ZNF236: variants seen among roughly 807,000 people sequenced by gnomAD.
ZNF236 encodes the protein regulated by glucose.
In ZNF236, 50 loss-of-function variants were observed where a neutral mutation model predicts 191.2. The observed-to-expected ratio is 0.26, with a 90% CI of 0.21 to 0.33. The LOEUF (loss-of-function observed/expected upper bound fraction) is 0.33. Ranked by LOEUF, ZNF236 falls within the 10% of genes least tolerant of loss-of-function variation. ZNF236 has a pLI of 1.00. For synonymous variants in ZNF236, 907 were observed against 928.8 expected, an observed-to-expected ratio of 0.98 and a Z score of 0.43; for missense variants, 1,754 against 2,374.5, an observed-to-expected ratio of 0.74 and a Z score of 5.43.
chr18:76,823,999 C>T (rs1264440852), intron 1 of ZNF236, among the ~76,000 whole-genome samples: 3 of 152,190 alleles, frequency 2.0e-5, no homozygotes, highest in Non-Finnish European at 4.4e-5. Flanking sequence ...GCGCCTAGGA[C>T]TCCCTATGGG....
chr18:76,829,243 A>C (rs778178573), intron 1 of ZNF236, among the ~76,000 whole-genome samples: 1 of 152,058 alleles, frequency 6.6e-6, no homozygotes, highest in Admixed American at 6.6e-5. Context: ...TTGTCATAGA[A>C]CTTTTCTTCA....
intron 26 of ZNF236, among the ~76,000 whole-genome samples, chr18:76,939,734 T>C (rs1419131341): frequency 6.6e-6 from 1 of 152,216 alleles, no homozygotes; most frequent in Non-Finnish European, 1.5e-5. Flanking sequence ...GGGTGTAATG[T>C]GCATTGGGCT....
chr18:76,873,587 C>CCAAT (rs1976636170), intron 5 of ZNF236, among the ~76,000 whole-genome samples: 1 of 152,148 alleles, frequency 6.6e-6, no homozygotes, highest in Admixed American at 6.5e-5. Context: ...GCTTGGTCTT[C>CCAAT]CAATAGCTGT....
chr18:76,941,484 C>T (rs977920002), intron 26 of ZNF236, among the ~76,000 whole-genome samples: 8 of 152,192 alleles, frequency 5.3e-5, no homozygotes, highest in African/African-American at 7.2e-5. Flanking sequence ...TCGTTTGCCA[C>T]GCCCTCTCCC....
At chr18:76,866,442 G>C (rs1976407253) in intron 3 of ZNF236, among the ~76,000 whole-genome samples, 1 of 152,220 alleles carries the variant, frequency 6.6e-6, no homozygotes, top group South Asian at 2.1e-4. Context: ...TCCTGGAGGG[G>C]ATTCGGAGAA....
intron 1 of ZNF236, among the ~76,000 whole-genome samples, chr18:76,843,513 C>T (rs978884638): frequency 6.6e-6 from 1 of 151,974 alleles, no homozygotes; most frequent in Admixed American, 6.5e-5. Context: ...CACAGTGGCT[C>T]ACGCCTGTAA....
At chr18:76,843,895 A>C (rs1183034611) in intron 1 of ZNF236, among the ~76,000 whole-genome samples, 1 of 151,308 alleles carries the variant, frequency 6.6e-6, no homozygotes, top group African/African-American at 2.4e-5. Flanking sequence ...AGTAAAGAAG[A>C]GGCTGGGTGC....
intron 20 of ZNF236, among the ~76,000 whole-genome samples, chr18:76,920,412 G>A (rs1352191304): frequency 6.6e-6 from 1 of 151,964 alleles, no homozygotes; most frequent in Non-Finnish European, 1.5e-5. Context: ...TTAGGTGGGT[G>A]TAGTGGTGGG....
intron 22 of ZNF236, among the ~76,000 whole-genome samples, chr18:76,926,368 A>G (rs1967677522): frequency 1.3e-5 from 2 of 152,064 alleles, no homozygotes; most frequent in African/African-American, 4.8e-5. Context: ...TGCGTATGGC[A>G]TAAAGGAGTA....
chr18:76,922,350 A>G (rs756853656), intron 20 of ZNF236, among the ~76,000 whole-genome samples: 6 of 152,204 alleles, frequency 3.9e-5, no homozygotes, highest in Non-Finnish European at 8.8e-5. Context: ...TTACAGCTGC[A>G]GCCAACAGGA....
At chr18:76,933,871 A>G (rs1015686229) in intron 25 of ZNF236, among the ~76,000 whole-genome samples, 1 of 152,220 alleles carries the variant, frequency 6.6e-6, no homozygotes, top group African/African-American at 2.4e-5. Context: ...ACTGTATAGT[A>G]GTAGTTAGGA....
intron 28 of ZNF236, among the ~76,000 whole-genome samples, chr18:76,957,175 T>G: frequency 6.6e-6 from 1 of 152,120 alleles, no homozygotes. Flanking sequence ...TTTTTGGCCT[T>G]TGTGTGTCTG....
At chr18:76,874,047 C>T (rs1157523422) in intron 5 of ZNF236, among the ~76,000 whole-genome samples, 5 of 150,454 alleles carry the variant, frequency 3.3e-5, no homozygotes, top group African/African-American at 7.3e-5. Context: ...CCTGTCCCCA[C>T]GCAGGCAGTC....
intron 25 of ZNF236, among the ~76,000 whole-genome samples, chr18:76,933,780 C>G (rs1294702289): frequency 6.6e-6 from 1 of 152,174 alleles, no homozygotes; most frequent in African/African-American, 2.4e-5. Context: ...TTGACCCACT[C>G]AATCCTTGAT....
intron 18 of ZNF236, among the ~76,000 whole-genome samples, chr18:76,915,121 T>C (rs1967322519): frequency 6.6e-6 from 1 of 152,180 alleles, no homozygotes; most frequent in African/African-American, 2.4e-5. Flanking sequence ...GGAAAATAGC[T>C]AGTTACTTGG....
At chr18:76,823,672 C>G (rs1234925206) in intron 1 of ZNF236, among the ~76,000 whole-genome samples, 1 of 152,244 alleles carries the variant, frequency 6.6e-6, no homozygotes, top group East Asian at 1.9e-4. Context: ...CAGGCAGACA[C>G]ACAACCGGGC....
chr18:76,953,166 C>G (rs1312923268), intron 27 of ZNF236, among the ~76,000 whole-genome samples: 1 of 152,240 alleles, frequency 6.6e-6, no homozygotes, highest in East Asian at 1.9e-4. Flanking sequence ...CTCAGCCTGT[C>G]TTTACTAAAA....
chr18:76,905,719 G>A (rs1258009892), intron 13 of ZNF236, among the ~76,000 whole-genome samples: 2 of 152,186 alleles, frequency 1.3e-5, no homozygotes, highest in Non-Finnish European at 2.9e-5. Context: ...ATGCTGGACT[G>A]TGTCTAGTAC....
intron 10 of ZNF236, chr18:76,897,943 C>T (rs1599375349): frequency 6.6e-6 from 1 of 152,170 alleles, no homozygotes; most frequent in African/African-American, 2.4e-5. Context: ...CAGATGCAAC[C>T]TTGATCTCCA....
Sources: gnomAD v4.1 joint callset for allele counts (sites outside exome capture counted in the v4.1 genomes callset) on GRCh38, gnomAD v4.1.1 for gene constraint, MANE v1.5 for transcripts, NCBI Gene and HGNC (gene_info 2026-07-23, HGNC 2026-07-21) for gene names.